Variants in HCK observed in about 807,000 individuals in gnomAD.
The protein encoded by HCK is HCK proto-oncogene, Src family tyrosine kinase.
A neutral mutation model predicts 70.4 loss-of-function variants in HCK; 40 were observed. That is an observed-to-expected ratio of 0.57 (90% confidence interval 0.44 to 0.74). The LOEUF is 0.74. HCK is among the 30% of genes least tolerant of loss of function. The probability of loss-of-function intolerance (pLI) is 0.00; values close to 1 mark genes in which losing one functional copy is unlikely to be tolerated. For synonymous variants in HCK, 245 were observed against 263.2 expected, an observed-to-expected ratio of 0.93 and a Z score of 0.67; for missense variants, 568 against 697.2, an observed-to-expected ratio of 0.81 and a Z score of 2.09.
At chr20:32,079,633 G>T in intron 5 of HCK, 141 bp from the exon 6 acceptor site, 1 of 587,436 alleles carries the variant, frequency 1.7e-6, no homozygotes, top group South Asian at 2.1e-5. Context: ...AAAAATCTTT[G>T]AGTAAAACTG....
intron 1 of HCK, among the ~76,000 whole-genome samples, chr20:32,067,531 C>CTTTTTTTTTTTTTT (rs11482239): frequency 3.6e-5 from 4 of 110,342 alleles, no homozygotes; most frequent in Admixed American, 1.2e-4. Flanking sequence ...GATGCTTTTA[C>CTTTTTTTTTTTTTT]TTTTTTTTTT....
Position 32,071,684 on chromosome 20 carries a change from T to A in HCK, c.85T>A (p.Phe29Ile). 1 of 1,614,126 alleles carries A rather than the reference T, an allele frequency of 6.2e-7. No homozygotes were observed. Among genetic ancestry groups the A allele is most frequent in the Non-Finnish European group, 8.5e-7 (1 of 1,179,996 alleles). The stretch of plus-strand genomic sequence containing the variant: ...CAGGATGGGGTGCATGAAGTCCAAG[T>A]TCCTCCAGGTCGGAGGCAATACATT... Residue 29 changes from phenylalanine (F) to isoleucine (I), a missense_variant, in exon 2 of 13, where the codon TTC becomes ATC. Physicochemically the swap from Phe to Ile is conservative, Grantham distance 21. Transcript: ENST00000375852.
At chr20:32,080,731 C>T (rs536962602) in intron 6 of HCK, among the ~76,000 whole-genome samples, 65 of 152,050 alleles carry the variant, frequency 4.3e-4, no homozygotes, top group Non-Finnish European at 4.6e-4. Context: ...AGGCTGGCCT[C>T]GAACTTCTGG....
intron 11 of HCK, among the ~76,000 whole-genome samples, chr20:32,094,933 T>G (rs545305506): frequency 6.3e-4 from 95 of 151,358 alleles, no homozygotes; most frequent in African/African-American, 2.3e-3. Flanking sequence ...TGAAAGAAAT[T>G]AGACCAAAAA....
At chr20:32,086,924 C>A in intron 9 of HCK, 117 bp downstream of exon 9, 1 of 884,698 alleles carries the variant, frequency 1.1e-6, no homozygotes, top group South Asian at 1.8e-5. Flanking sequence ...GCCAGGAGCT[C>A]TTCCAACAAG....
At chr20:32,076,580 A>G (rs2045629477) in intron 5 of HCK, among the ~76,000 whole-genome samples, 1 of 152,074 alleles carries the variant, frequency 6.6e-6, no homozygotes, top group Non-Finnish European at 1.5e-5. Context: ...AGACAACATG[A>G]ATGGGGGGTT....
chr20:32,083,028 G>A (rs1272069423), intron 6 of HCK, among the ~76,000 whole-genome samples: 1 of 152,084 alleles, frequency 6.6e-6, no homozygotes, highest in Non-Finnish European at 1.5e-5. Context: ...ATGTCAGCAG[G>A]GCTGGTTCCT....
At chr20:32,076,147 A>AC (rs1205072922) in intron 5 of HCK, among the ~76,000 whole-genome samples, 1 of 152,012 alleles carries the variant, frequency 6.6e-6, no homozygotes, top group Non-Finnish European at 1.5e-5. Flanking sequence ...ACAAGGTGTA[A>AC]CCCCATCTCT....
chr20:32,095,946 T>C (rs916871213), intron 11 of HCK, among the ~76,000 whole-genome samples: 3 of 151,530 alleles, frequency 2.0e-5, no homozygotes, highest in Non-Finnish European at 1.5e-5. Context: ...CTGGAGTGCA[T>C]TGGCGCCATC....
intron 9 of HCK, among the ~76,000 whole-genome samples, chr20:32,087,908 C>A (rs993706846): frequency 6.6e-6 from 1 of 152,148 alleles, no homozygotes; most frequent in Admixed American, 6.5e-5. Context: ...TCCCACCATG[C>A]TGGAATTACA....
rs137871205 is a variant in HCK, at chr20:32,099,120, C to T, written c.1363C>T (p.Arg455Trp). ...GCTGATGGAGATCGTCACCTACGGC[C>T]GGATCCCTTACCCAGGTAGGGAAGG... The change falls in exon 12 of 13, where the codon CGG becomes TGG. Residue 455 changes from arginine (R) to tryptophan (W), a missense_variant. Arg to Trp is a moderately radical substitution (Grantham distance 101, BLOSUM62 -3). Around this residue, in one of 4 missense-constraint regions of HCK, gnomAD observed 160 missense variants for 237.5 expected, o/e 0.67. Coordinates refer to ENST00000375852, the MANE Select transcript of HCK (RefSeq NM_002110.5). The T allele has an allele frequency of 1.2e-6, 2 of 1,614,132 alleles. No homozygotes were observed. Among genetic ancestry groups the T allele is most frequent in the Non-Finnish European group, 1.7e-6 (2 of 1,180,012 alleles).
intron 1 of HCK, among the ~76,000 whole-genome samples, 195 bp downstream of exon 1, chr20:32,052,681 G>A (rs2045192384): frequency 6.6e-6 from 1 of 152,052 alleles, no homozygotes; most frequent in African/African-American, 2.4e-5. Flanking sequence ...CTAGGGAGGG[G>A]CGGCACTGTT....
Position 32,099,274 on chromosome 20 carries a change from C to T in HCK, c.1378+139C>T, listed in dbSNP as rs574304681. 3.4e-4 allele frequency: 279 copies of T among 828,022 alleles called. 2 individuals are homozygous for T. The highest frequency in any genetic ancestry group is 1.9e-3 in the South Asian group (109 of 57,500). The allele number at this position is 828,022 out of a possible 1,614,324, so 51.3% of individuals were successfully genotyped here. A position where few individuals can be genotyped will look rare whatever the true frequency, so the allele number is the denominator to read the frequency against. On this transcript the variant is annotated intron_variant, in intron 12 of 12. Coordinates refer to ENST00000375852, the MANE Select transcript of HCK (RefSeq NM_002110.5). Reference sequence around the variant, plus strand: ...TCACCTTTCCTGTCTTAGTTAAAGGCACCTCCATCCATCTAATGTCTTAAG... The same window carrying T: ...TCACCTTTCCTGTCTTAGTTAAAGGTACCTCCATCCATCTAATGTCTTAAG...
In HCK at chr20:32,074,616, C is replaced by G. The variant is rs2045594518; in HGVS notation, c.330-7C>G. The G allele has an allele frequency of 1.9e-6, 3 of 1,599,084 alleles. No homozygotes were observed. The highest frequency in any genetic ancestry group is 2.6e-6 in the Non-Finnish European group (3 of 1,166,388). On this transcript the variant is annotated splice_region_variant and splice_polypyrimidine_tract_variant and intron_variant, in intron 4 of 12. Coordinates refer to ENST00000375852, the MANE Select transcript of HCK (RefSeq NM_002110.5). ...CCCTAACACCTTTACTCCCTCATGT[C>G]CCTCAGATCCGGGGAGTGGTGGAAG...
chr20:32,069,704 C>T, intron 1 of HCK: 2 of 993,244 alleles, frequency 2.0e-6, no homozygotes, highest in Non-Finnish European at 2.8e-6. Flanking sequence ...AAAGCAAAAC[C>T]GCTCAAGTCT....
At chr20:32,061,882 G>T (rs556117098) in intron 1 of HCK, among the ~76,000 whole-genome samples, 1 of 151,778 alleles carries the variant, frequency 6.6e-6, no homozygotes, top group East Asian at 1.9e-4. Context: ...TACTCCAAGT[G>T]AGACGGAAAC....
intron 6 of HCK, among the ~76,000 whole-genome samples, chr20:32,083,524 AGATGAT>A (rs953922649): frequency 2.0e-5 from 3 of 152,192 alleles, no homozygotes; most frequent in Non-Finnish European, 4.4e-5. Context: ...GAAATAATGA[AGATGAT>A]GATGATGATA....
At chr20:32,060,206 T>C (rs1295245928) in intron 1 of HCK, among the ~76,000 whole-genome samples, 1 of 152,020 alleles carries the variant, frequency 6.6e-6, no homozygotes, top group African/African-American at 2.4e-5. Flanking sequence ...TTTATAGCTA[T>C]TGGTTTTCTT....
At chr20:32,069,764 A>G in intron 1 of HCK, 11 of 1,277,872 alleles carry the variant, frequency 8.6e-6, no homozygotes, top group Non-Finnish European at 1.1e-5. Context: ...AAATCCTTGT[A>G]AATAAAAGGA....
Sources: allele counts gnomAD v4.1 joint callset (sites outside exome capture counted in the v4.1 genomes callset), GRCh38; gene constraint gnomAD v4.1.1; regional missense constraint gnomAD v4.1.1; transcripts MANE v1.5; gene names NCBI Gene and HGNC (gene_info 2026-07-23, HGNC 2026-07-21).